The following ZNF701 variants were observed in gnomAD, a reference collection of about 807,000 sequenced individuals.
ZNF701 encodes the protein zinc finger protein 701.
In ZNF701, 6 loss-of-function variants were observed where a neutral mutation model predicts 7.1. That is an observed-to-expected ratio of 0.84 (90% CI 0.46 to 1.66). The LOEUF (loss-of-function observed/expected upper bound fraction) is 1.66, where lower values mean the gene tolerates loss of function less well. Among genes scored for constraint, ZNF701 ranks in the 40% most tolerant of loss-of-function variants. The probability of loss-of-function intolerance (pLI) is 0.01; values close to 1 mark genes in which losing one functional copy is unlikely to be tolerated. For missense variants in ZNF701, 541 were observed against 559.2 expected (o/e 0.97, Z 0.33); for synonymous variants, 166 against 188.2 (o/e 0.88, Z 0.97).
intron 1 of ZNF701, 78 bp from the exon 2 acceptor site, chr19:52,573,999 A>T: frequency 6.9e-7 from 1 of 1,444,294 alleles, no homozygotes; most frequent in Non-Finnish European, 9.5e-7. Context: ...GAGTGAGGGC[A>T]CCTTTGTATG....
At chr19:52,587,918 A>T (rs1321332112), downstream of ZNF701, among the ~76,000 whole-genome samples, 1 of 152,202 alleles carries the variant, frequency 6.6e-6, no homozygotes, top group Admixed American at 6.5e-5. Flanking sequence ...CCTGTGATCC[A>T]CAGGGAGGTG....
chr19:52,573,388 C>T (rs540310781), intron 1 of ZNF701, among the ~76,000 whole-genome samples: 29 of 152,240 alleles, frequency 1.9e-4, no homozygotes, highest in Non-Finnish European at 3.1e-4. Context: ...TACCAATGCC[C>T]ACCAAGCCCA....
chr19:52,571,674 G>C (rs372989870), intron 1 of ZNF701, among the ~76,000 whole-genome samples: 15 of 151,936 alleles, frequency 9.9e-5, no homozygotes, highest in African/African-American at 3.6e-4. Flanking sequence ...AAGCATTCTT[G>C]ATTGAAAAAG....
chr19:52,589,789 T>C (rs1036521772), downstream of ZNF701, among the ~76,000 whole-genome samples: 2 of 152,180 alleles, frequency 1.3e-5, no homozygotes, highest in Non-Finnish European at 2.9e-5. Context: ...CTGGGACTTC[T>C]GGTACTTTAA....
Position 52,583,533 on chromosome 19 carries a change from C to A in ZNF701, c.*76C>A. On this transcript the variant is annotated 3_prime_UTR_variant, in exon 4 of 4. Coordinates refer to ENST00000391785, the MANE Select transcript of ZNF701 (RefSeq NM_018260.3). ...CATAGACTTTATACTGGAGAGAAACCTTACAAATGTGAAGAATGTGACAAA... is the reference window on the plus strand; with the variant it reads ...CATAGACTTTATACTGGAGAGAAACATTACAAATGTGAAGAATGTGACAAA... 1.3e-6 allele frequency: 2 copies of A among 1,599,168 alleles called. No homozygotes were observed. The highest frequency in any genetic ancestry group is 1.7e-6 in the Non-Finnish European group (2 of 1,167,990).
In ZNF701 at chr19:52,570,333, G is replaced by T; in HGVS notation, c.-72+3G>T. 1 of 154,316 alleles carries T rather than the reference G, an allele frequency of 6.5e-6. No homozygotes were observed. Among genetic ancestry groups the T allele is most frequent in the South Asian group, 1.9e-4 (1 of 5,372 alleles). The allele number at this position is 154,316 out of a possible 1,614,324, so 9.6% of individuals were successfully genotyped here. A position where few individuals can be genotyped will look rare whatever the true frequency, so the allele number is the denominator to read the frequency against. On this transcript the variant is annotated splice_donor_region_variant and intron_variant, in intron 1 of 3. Coordinates refer to ENST00000391785, the MANE Select transcript of ZNF701 (RefSeq NM_018260.3). The stretch of plus-strand genomic sequence containing the variant: ...GGAGTGAAGGTCGCACCGCGGCGGT[G>T]AGTTTTGCTCTGTGTTGTATTAAGT...
At chr19:52,579,649 A>T (rs1197953684) in intron 3 of ZNF701, among the ~76,000 whole-genome samples, 1 of 141,540 alleles carries the variant, frequency 7.1e-6, no homozygotes, top group East Asian at 2.0e-4. Context: ...TGAGGTGGGC[A>T]GATCACCAGA....
At chr19:52,577,866 C>T (rs559896820) in intron 3 of ZNF701, among the ~76,000 whole-genome samples, 1 of 152,090 alleles carries the variant, frequency 6.6e-6, no homozygotes, top group African/African-American at 2.4e-5. Flanking sequence ...TGCTCCTTGT[C>T]TACTTTCATG....
chr19:52,596,088 A>C, the ZNF701 span: 2 of 1,150,920 alleles, frequency 1.7e-6, no homozygotes, highest in South Asian at 2.7e-5. Context: ...ACACAAATAC[A>C]AGAAGTACAC....
intron 1 of ZNF701, chr19:52,572,462 G>T (rs1277232247): frequency 7.4e-6 from 9 of 1,218,946 alleles, no homozygotes; most frequent in Non-Finnish European, 9.5e-6. Flanking sequence ...AGTGGCATCA[G>T]AACTTGCAAA....
the ZNF701 span, chr19:52,597,589 C>T: frequency 1.1e-5 from 4 of 361,786 alleles, no homozygotes; most frequent in Non-Finnish European, 2.1e-5. Context: ...TGCCTGTAAT[C>T]CCAGCACTTT....
chr19:52,572,435 A>G (rs2059907259), intron 1 of ZNF701: 18 of 1,272,064 alleles, frequency 1.4e-5, no homozygotes, highest in Non-Finnish European at 1.8e-5. Flanking sequence ...GTGAGGAAGA[A>G]TTAAATGTTG....
the ZNF701 span, chr19:52,598,577 T>G: frequency 6.6e-6 from 1 of 152,038 alleles, no homozygotes; most frequent in Non-Finnish European, 1.5e-5. Context: ...AAACTGCCTA[T>G]TACTCCCAGG....
the ZNF701 span, among the ~76,000 whole-genome samples, chr19:52,595,223 G>T: frequency 4.2e-4 from 64 of 150,896 alleles, 1 homozygote; most frequent in African/African-American, 1.2e-3. Context: ...AATAACTGTT[G>T]CTTTTTGTGT....
At chr19:52,577,019 G>C (rs1343560390) in intron 3 of ZNF701, among the ~76,000 whole-genome samples, 1 of 152,190 alleles carries the variant, frequency 6.6e-6, no homozygotes, top group Admixed American at 6.6e-5. Flanking sequence ...GGAGAATTCT[G>C]TTGGAAAAGG....
chr19:52,578,588 C>T (rs757544123), intron 3 of ZNF701, among the ~76,000 whole-genome samples: 4 of 152,214 alleles, frequency 2.6e-5, no homozygotes, highest in Admixed American at 1.3e-4. Context: ...AGAGAACACC[C>T]GCTAAGCCCG....
chr19:52,579,724 A>C lies in ZNF701; in HGVS notation c.143-2478A>C, dbSNP rs1398353421. Among the ~76,000 whole-genome samples, 2 of 137,448 alleles carry C rather than the reference A, an allele frequency of 1.5e-5. 1 individual carries two copies. Among genetic ancestry groups the C allele is most frequent in the African/African-American group, 6.7e-5 (2 of 29,908 alleles). The allele number at this position is 137,448 out of a possible 152,430, so 90.2% of individuals were successfully genotyped here. ...CTTCGTCTCTAGTAAAATTACAAAAATTATCCAGGCACGGTCGTGGGTGGC... is the reference window on the plus strand; with the variant it reads ...CTTCGTCTCTAGTAAAATTACAAAACTTATCCAGGCACGGTCGTGGGTGGC... On this transcript the variant is annotated intron_variant, in intron 3 of 3. Coordinates refer to ENST00000391785, the MANE Select transcript of ZNF701 (RefSeq NM_018260.3).
At chr19:52,579,031 C>T (rs1295512062) in intron 3 of ZNF701, among the ~76,000 whole-genome samples, 1 of 145,350 alleles carries the variant, frequency 6.9e-6, no homozygotes, top group East Asian at 2.0e-4. Flanking sequence ...CAGACGTGAG[C>T]CACCGCGCCC....
In ZNF701 at chr19:52,585,541, C is replaced by T. The variant is rs1296472813; in HGVS notation, c.*2084C>T. On this transcript the variant is annotated 3_prime_UTR_variant, in exon 4 of 4. Coordinates refer to ENST00000391785, the MANE Select transcript of ZNF701 (RefSeq NM_018260.3). ...AGTTTCCAGGTAGATGGATATTAAA[C>T]ATAGAATTGAAGAAAAAAAAAAAAA... is the stretch of plus-strand genomic sequence containing the variant. 1 of 141,726 alleles carries T rather than the reference C, an allele frequency of 7.1e-6. No homozygotes were observed. The highest frequency in any genetic ancestry group is 2.8e-5 in the African/African-American group (1 of 36,094). 8.8% of individuals were successfully genotyped at this position (141,726 alleles called of 1,614,324 possible). A position where few individuals can be genotyped will look rare whatever the true frequency, so the allele number is the denominator to read the frequency against.
Sources: allele counts gnomAD v4.1 joint callset (sites outside exome capture counted in the v4.1 genomes callset), GRCh38; gene constraint gnomAD v4.1.1; transcripts MANE v1.5; gene names NCBI Gene and HGNC (gene_info 2026-07-23, HGNC 2026-07-21).